Variants in POLQ observed in about 807,000 individuals in gnomAD.
The protein encoded by POLQ is DNA polymerase theta.
In POLQ, 233 loss-of-function variants were observed where a neutral mutation model predicts 259.2. That is an observed-to-expected ratio of 0.90 (90% CI 0.81 to 1.00). POLQ has a LOEUF of 1.00. POLQ is among the 50% of genes least tolerant of loss of function. The probability of loss-of-function intolerance (pLI) is 0.00; values close to 1 mark genes in which losing one functional copy is unlikely to be tolerated. For missense variants in POLQ, 2,871 were observed against 3,051.6 expected (o/e 0.94, Z 1.39); for synonymous variants, 1,025 against 1,048.8 (o/e 0.98, Z 0.44).
intron 9 of POLQ, among the ~76,000 whole-genome samples, chr3:121,513,647 A>C (rs2048272592): frequency 6.6e-6 from 1 of 150,930 alleles, no homozygotes; most frequent in African/African-American, 2.4e-5. Flanking sequence ...GATGTCAGCA[A>C]GATGGTGGTT....
At chr3:121,493,032 T>C (rs1035070843) in intron 15 of POLQ, among the ~76,000 whole-genome samples, 5 of 152,188 alleles carry the variant, frequency 3.3e-5, no homozygotes, top group Non-Finnish European at 4.4e-5. Flanking sequence ...CCGGGCACTT[T>C]GGCTCACGCC....
intron 6 of POLQ, among the ~76,000 whole-genome samples, chr3:121,531,815 G>C (rs1296619729): frequency 6.6e-6 from 1 of 152,194 alleles, no homozygotes; most frequent in Non-Finnish European, 1.5e-5. Context: ...AGTAACCAAG[G>C]CATAGCCAGG....
intron 7 of POLQ, among the ~76,000 whole-genome samples, chr3:121,526,008 C>T (rs1292806766): frequency 6.6e-6 from 1 of 152,036 alleles, no homozygotes; most frequent in South Asian, 2.1e-4. Flanking sequence ...AAGGTTCTAT[C>T]GGGGTTCTCT....
chr3:121,501,679 A>G (rs1389693736), intron 12 of POLQ, among the ~76,000 whole-genome samples: 4 of 143,744 alleles, frequency 2.8e-5, no homozygotes, highest in South Asian at 4.5e-4. Flanking sequence ...AAAAAAAAAA[A>G]AAAAAAAAAA....
intron 9 of POLQ, among the ~76,000 whole-genome samples, chr3:121,518,174 T>C (rs1443531757): frequency 6.6e-6 from 1 of 152,224 alleles, no homozygotes; most frequent in Non-Finnish European, 1.5e-5. Flanking sequence ...ATGTATATAG[T>C]TGTTTACATT....
In POLQ at chr3:121,529,714, T is replaced by G; in HGVS notation, c.1039A>C (p.Lys347Gln). ...NHSVLLFCPS[K>Q]KWCEKLADII... ...TCTGCCAGCTTCTCACACCATTTCT[T>G]TGATGGACAAAAAAGTAATACTGAA... Residue 347 changes from lysine to glutamine, a missense_variant, in exon 7 of 30, where the codon AAG becomes CAG. By Grantham distance (53) the Lys-to-Gln change is moderately conservative. This residue lies in a region of POLQ where 783 missense variants were observed against 906.2 expected (regional missense o/e 0.86). Coordinates refer to ENST00000264233, the MANE Select transcript of POLQ (RefSeq NM_199420.4). 1 of 1,613,136 alleles carries G rather than the reference T, an allele frequency of 6.2e-7. No homozygotes were observed. The highest frequency in any genetic ancestry group is 8.5e-7 in the Non-Finnish European group (1 of 1,179,362).
chr3:121,445,735 T>A (rs996940817), intron 26 of POLQ, among the ~76,000 whole-genome samples: 3 of 151,872 alleles, frequency 2.0e-5, no homozygotes, highest in African/African-American at 7.3e-5. Context: ...CGGTGGCACA[T>A]ACCTGTAATC....
intron 4 of POLQ, among the ~76,000 whole-genome samples, chr3:121,537,750 G>A (rs1225238622): frequency 6.6e-6 from 1 of 152,116 alleles, no homozygotes; most frequent in Non-Finnish European, 1.5e-5. Context: ...AAAAACAAAT[G>A]GGACCTAGAG....
Position 121,530,237 on chromosome 3 carries a change from A to G in POLQ, c.961-445T>C, listed in dbSNP as rs143272107. On this transcript the variant is annotated intron_variant, in intron 6 of 29. Transcript: ENST00000264233. The stretch of plus-strand genomic sequence containing the variant: ...CTTTGGGTGCCCATACAACTCTTCT[A>G]TTTTTCACTCTCAGCACAGTATTCG... Among the ~76,000 whole-genome samples, 475 of 152,190 alleles carry G rather than the reference A, an allele frequency of 3.1e-3. 3 individuals carry two copies. The highest frequency in any genetic ancestry group is 0.011 in the African/African-American group (447 of 41,526).
At chr3:121,510,363 G>T (rs1264020603) in intron 10 of POLQ, 120 bp from the exon 11 acceptor site, 1 of 654,380 alleles carries the variant, frequency 1.5e-6, no homozygotes, top group Non-Finnish European at 2.7e-6. Context: ...GGATCACGAG[G>T]TCTGGAGATG....
At chr3:121,518,042 C>A (rs2048311739) in intron 9 of POLQ, among the ~76,000 whole-genome samples, 1 of 152,204 alleles carries the variant, frequency 6.6e-6, no homozygotes, top group Admixed American at 6.5e-5. Context: ...GAATACTGAA[C>A]CCTTGCTGCC....
At position 121,498,565 on chromosome 3, in the gene POLQ, C is replaced by T. The variant is rs757754681; in HGVS notation, c.2065G>A (p.Val689Ile). 6.2e-7 allele frequency: 1 copy of T among 1,614,110 alleles called. No homozygotes were observed. Among genetic ancestry groups the T allele is most frequent in the Admixed American group, 1.7e-5 (1 of 60,030 alleles). ...CAACGGGCCAAGAACCCCTCTTCAA[C>T]TCCCACTAGCTCTGCCACCCTTTTC... ...SMKRVAELVG[V>I]EEGFLARCVK... The change falls in exon 13 of 30, where the codon GTT becomes ATT. Residue 689 changes from valine to isoleucine, a missense_variant. Val to Ile is a conservative substitution (Grantham distance 29). Coordinates refer to ENST00000264233, the MANE Select transcript of POLQ (RefSeq NM_199420.4).
In POLQ at chr3:121,464,523, G is replaced by C. The variant is rs75189520; in HGVS notation, c.6967+2996C>G. Among the ~76,000 whole-genome samples, 1,171 of 152,206 alleles carry C rather than the reference G, an allele frequency of 7.7e-3. 8 individuals carry two copies. The highest frequency in any genetic ancestry group is 0.017 in the Middle Eastern group (5 of 294). On this transcript the variant is annotated intron_variant, in intron 24 of 29. Coordinates refer to ENST00000264233, the MANE Select transcript of POLQ (RefSeq NM_199420.4). ...AAATGCTCTGATGTTGATGAATTTA[G>C]AGTCGCTTTTTTATTTAAGTAATAC...
At chr3:121,513,088 A>T in intron 9 of POLQ, among the ~76,000 whole-genome samples, 1 of 152,218 alleles carries the variant, frequency 6.6e-6, no homozygotes, top group East Asian at 1.9e-4. Flanking sequence ...GTGGGAAAGA[A>T]AGCAGGTAAG....
chr3:121,501,434 C>T (rs1236632834), intron 12 of POLQ, among the ~76,000 whole-genome samples: 7 of 146,932 alleles, frequency 4.8e-5, no homozygotes, highest in Admixed American at 1.3e-4. Context: ...CCGAGGCGGG[C>T]GGATCACGAG....
Position 121,537,181 on chromosome 3 carries a change from A to G in POLQ, c.659T>C (p.Met220Thr). ...ATACCCTCGGTGAGAGTCTCCCAGCATATGTAATTCATCCACAACCACCAT... is the reference window on the plus strand; with the variant it reads ...ATACCCTCGGTGAGAGTCTCCCAGCGTATGTAATTCATCCACAACCACCAT... ...LGMVVVDELHMLGDSHRGYLL... is the reference protein window; with the variant it reads ...LGMVVVDELHTLGDSHRGYLL... Residue 220 changes from methionine to threonine, a missense_variant, in exon 5 of 30, where the codon ATG (methionine) becomes ACG (threonine). Met to Thr is a moderately conservative substitution (Grantham distance 81). Transcript: ENST00000264233. 1 of 1,601,270 alleles carries G rather than the reference A, an allele frequency of 6.2e-7. No homozygotes were observed.
At chr3:121,445,049 C>T (rs113196827) in intron 26 of POLQ, among the ~76,000 whole-genome samples, 38 of 152,026 alleles carry the variant, frequency 2.5e-4, no homozygotes, top group African/African-American at 8.4e-4. Flanking sequence ...AAATATTGGC[C>T]GGTAGGTAGG....
intron 7 of POLQ, 135 bp from the exon 8 acceptor site, chr3:121,522,284 C>CTTTTTTTTTTTTTTTTTTTTTTTTTTTT (rs748850996): frequency 3.6e-5 from 2 of 56,070 alleles, no homozygotes; most frequent in Non-Finnish European, 6.8e-5. Context: ...CCCTGGAGAT[C>CTTTTTTTTTTTTTTTTTTTTTTTTTTTT]TTTTTTTTTT....
At chr3:121,525,841 A>G (rs1343857435) in intron 7 of POLQ, among the ~76,000 whole-genome samples, 1 of 152,128 alleles carries the variant, frequency 6.6e-6, no homozygotes, top group African/African-American at 2.4e-5. Context: ...TGTGGTGTCT[A>G]CTAGCTCTTG....
Sources: allele counts gnomAD v4.1 joint callset (sites outside exome capture counted in the v4.1 genomes callset), GRCh38; gene constraint gnomAD v4.1.1; regional missense constraint gnomAD v4.1.1; transcripts MANE v1.5; gene names NCBI Gene and HGNC (gene_info 2026-07-23, HGNC 2026-07-21).